The following EBF1 variants were observed in gnomAD, a reference collection of about 807,000 sequenced individuals.
EBF1 encodes transcription factor COE1.
A neutral mutation model predicts 68.4 loss-of-function variants in EBF1; 10 were observed. That is an observed-to-expected ratio of 0.15 (90% CI 0.09 to 0.25). The LOEUF (loss-of-function observed/expected upper bound fraction) is 0.25, where lower values mean the gene tolerates loss of function less well. Among genes scored for constraint, EBF1 ranks in the 10% least tolerant of loss-of-function variants. EBF1 has a pLI of 1.00. For synonymous variants in EBF1, 298 were observed against 299.8 expected (o/e 0.99, Z 0.06); for missense variants, 509 against 794.4 (o/e 0.64, Z 4.32).
intron 6 of EBF1, among the ~76,000 whole-genome samples, chr5:158,967,938 G>A (rs1213285513): frequency 6.6e-6 from 1 of 152,176 alleles, no homozygotes; most frequent in Non-Finnish European, 1.5e-5. Context: ...CTTAGTATCT[G>A]TCCACAGGAA....
rs114797029 is a variant in EBF1, at chr5:158,933,176, T to A, written c.555-93066A>T. On this transcript the variant is annotated intron_variant, in intron 6 of 15. Coordinates refer to ENST00000313708, the MANE Select transcript of EBF1 (RefSeq NM_024007.5). ...TGAAAACTAAAAATTCAAAGCAAACTGGGAGAAATATTTTGACATGTAAAC... is the reference window on the plus strand; with the variant it reads ...TGAAAACTAAAAATTCAAAGCAAACAGGGAGAAATATTTTGACATGTAAAC... Among the ~76,000 whole-genome samples, 1,003 of 152,084 alleles carry A rather than the reference T, an allele frequency of 6.6e-3. 16 individuals are homozygous for A. Among genetic ancestry groups the A allele is most frequent in the African/African-American group, 0.023 (952 of 41,490 alleles).
chr5:159,052,350 A>AG (rs1475672671), intron 6 of EBF1, among the ~76,000 whole-genome samples: 2 of 50,762 alleles, frequency 3.9e-5, no homozygotes, highest in East Asian at 4.5e-4. Context: ...CAAAAGATAT[A>AG]GAAAAAAAAA....
At chr5:158,740,301 G>A (rs1031645375) in intron 10 of EBF1, among the ~76,000 whole-genome samples, 7 of 152,140 alleles carry the variant, frequency 4.6e-5, no homozygotes, top group African/African-American at 1.4e-4. Context: ...AACCAAACGC[G>A]GAGTTCTGGG....
intron 7 of EBF1, among the ~76,000 whole-genome samples, chr5:158,832,654 T>G (rs1222973423): frequency 1.3e-5 from 2 of 152,166 alleles, no homozygotes; most frequent in African/African-American, 2.4e-5. Context: ...CTTATCCCTT[T>G]TATGTAAGTG....
intron 6 of EBF1, among the ~76,000 whole-genome samples, chr5:158,973,847 T>C (rs906163590): frequency 2.0e-5 from 3 of 152,176 alleles, no homozygotes; most frequent in African/African-American, 7.2e-5. Context: ...TCATTGTCAT[T>C]GTTGTTATCA....
chr5:159,081,973 A>G (rs1779807508), intron 5 of EBF1, among the ~76,000 whole-genome samples: 1 of 152,210 alleles, frequency 6.6e-6, no homozygotes, highest in Non-Finnish European at 1.5e-5. Flanking sequence ...GTCCAGTCAA[A>G]GAGGCTTTGT....
intron 10 of EBF1, among the ~76,000 whole-genome samples, chr5:158,767,447 A>G (rs1772965861): frequency 6.6e-6 from 1 of 152,162 alleles, no homozygotes; most frequent in Non-Finnish European, 1.5e-5. Flanking sequence ...AACAAGGTAA[A>G]GTAGCATGCC....
chr5:158,965,591 G>T (rs938342816), intron 6 of EBF1, among the ~76,000 whole-genome samples: 2 of 152,164 alleles, frequency 1.3e-5, no homozygotes, highest in African/African-American at 4.8e-5. Context: ...GCCTTCTGTG[G>T]CATTTGAGTT....
At chr5:158,746,161 G>T (rs1767521908) in intron 10 of EBF1, among the ~76,000 whole-genome samples, 1 of 152,198 alleles carries the variant, frequency 6.6e-6, no homozygotes, top group Non-Finnish European at 1.5e-5. Flanking sequence ...CGCATCATTA[G>T]AAGACTTTAT....
At chr5:158,745,523 A>G (rs1370096373) in intron 10 of EBF1, among the ~76,000 whole-genome samples, 2 of 152,166 alleles carry the variant, frequency 1.3e-5, no homozygotes, top group Non-Finnish European at 2.9e-5. Context: ...CCAAGTCTCC[A>G]TGTAAAAGCA....
intron 6 of EBF1, among the ~76,000 whole-genome samples, chr5:158,940,208 C>A (rs1812938455): frequency 6.6e-6 from 1 of 152,214 alleles, no homozygotes; most frequent in African/African-American, 2.4e-5. Flanking sequence ...ATGGATCCTG[C>A]AAACTGCTTC....
chr5:158,834,173 C>T (rs1176833796), intron 7 of EBF1, among the ~76,000 whole-genome samples: 1 of 152,154 alleles, frequency 6.6e-6, no homozygotes, highest in Non-Finnish European at 1.5e-5. Flanking sequence ...CTGCCAGTCC[C>T]CAAAAGGAAA....
intron 9 of EBF1, among the ~76,000 whole-genome samples, chr5:158,783,044 A>C (rs558671663): frequency 6.6e-6 from 1 of 152,174 alleles, no homozygotes; most frequent in Non-Finnish European, 1.5e-5. Context: ...AAGGTTTAAA[A>C]ATTAATACTT....
In EBF1 at chr5:158,708,053, G is replaced by A; in HGVS notation, c.1670C>T (p.Ala557Val). ...NMVSAVKQKS[A>V]FAPVVRPQTS... ...CTGGGGTCTGACGACTGGTGCGAAAGCACTCTTCTGTTTCACGGCTGAGAC... is the reference window on the plus strand; with the variant it reads ...CTGGGGTCTGACGACTGGTGCGAAAACACTCTTCTGTTTCACGGCTGAGAC... Residue 557 changes from alanine (A) to valine (V), a missense_variant, in exon 15 of 16, where the codon GCT becomes GTT. Physicochemically the swap from Ala to Val is moderately conservative, Grantham distance 64. Coordinates refer to ENST00000313708, the MANE Select transcript of EBF1 (RefSeq NM_024007.5). The A allele has an allele frequency of 6.4e-7, 1 of 1,559,104 alleles. No homozygotes were observed. The highest frequency in any genetic ancestry group is 8.7e-7 in the Non-Finnish European group (1 of 1,151,076).
intron 8 of EBF1, among the ~76,000 whole-genome samples, chr5:158,814,308 A>G (rs1783274205): frequency 6.6e-6 from 1 of 152,160 alleles, no homozygotes; most frequent in South Asian, 2.1e-4. Flanking sequence ...GCACCACTGC[A>G]CTTCATAGCC....
chr5:159,012,376 A>T (rs1764842943), intron 6 of EBF1, among the ~76,000 whole-genome samples: 1 of 152,200 alleles, frequency 6.6e-6, no homozygotes, highest in Admixed American at 6.5e-5. Context: ...TTAAGAGTCT[A>T]ATCATGGCCA....
At chr5:159,027,184 C>A (rs776334083) in intron 6 of EBF1, among the ~76,000 whole-genome samples, 1 of 152,178 alleles carries the variant, frequency 6.6e-6, no homozygotes. Context: ...TACCTGTACA[C>A]TCCTCCCATT....
At chr5:158,848,067 T>C (rs1209745748) in intron 6 of EBF1, among the ~76,000 whole-genome samples, 1 of 152,210 alleles carries the variant, frequency 6.6e-6, no homozygotes, top group African/African-American at 2.4e-5. Context: ...CACTGCACCA[T>C]GTGTAAGGCC....
chr5:158,762,974 C>T (rs1771816774), intron 10 of EBF1, among the ~76,000 whole-genome samples: 2 of 152,278 alleles, frequency 1.3e-5, no homozygotes, highest in South Asian at 4.2e-4. Context: ...ATCAAACAAA[C>T]AGTAACTTCA....
Sources: allele counts gnomAD v4.1 joint callset (sites outside exome capture counted in the v4.1 genomes callset), GRCh38; gene constraint gnomAD v4.1.1; transcripts MANE v1.5; gene names NCBI Gene and HGNC (gene_info 2026-07-23, HGNC 2026-07-21).